The following FRMD4B variants were observed in gnomAD, a reference collection of about 807,000 sequenced individuals.
FRMD4B encodes the protein FERM domain containing 4B, also known as FERM domain-containing protein 4B.
Under a neutral mutation model 141.5 loss-of-function variants are expected in FRMD4B, and 74 were observed. The ratio of observed to expected loss-of-function variants is 0.52; its 90% confidence interval spans 0.43 to 0.63. The LOEUF (loss-of-function observed/expected upper bound fraction) is 0.63. Among genes scored for constraint, FRMD4B ranks in the 30% least tolerant of loss-of-function variants. The pLI is 0.00. For synonymous variants in FRMD4B, 506 were observed against 467.9 expected, an observed-to-expected ratio of 1.08 and a Z score of -1.05; for missense variants, 1,366 against 1,253.4, an observed-to-expected ratio of 1.09 and a Z score of -1.36.
chr3:69,204,115 C>A (rs2092998364), intron 11 of FRMD4B, among the ~76,000 whole-genome samples: 1 of 152,032 alleles, frequency 6.6e-6, no homozygotes, highest in Admixed American at 6.6e-5. Context: ...ACGGCATGCC[C>A]CACAGGTAGA....
intron 2 of FRMD4B, among the ~76,000 whole-genome samples, chr3:69,420,998 C>T (rs1459547519): frequency 2.6e-5 from 4 of 152,210 alleles, no homozygotes; most frequent in African/African-American, 9.6e-5. Flanking sequence ...GCCTCCCTCC[C>T]TCCCACGCCC....
chr3:69,465,164 C>T (rs1705762826), intron 1 of FRMD4B, among the ~76,000 whole-genome samples: 1 of 151,732 alleles, frequency 6.6e-6, no homozygotes, highest in Non-Finnish European at 1.5e-5. Flanking sequence ...ACTAAAAATG[C>T]AAAAAATTAG....
At chr3:69,357,017 T>C (rs536330937) in intron 1 of FRMD4B, among the ~76,000 whole-genome samples, 21 of 152,316 alleles carry the variant, frequency 1.4e-4, no homozygotes, top group South Asian at 6.2e-4. Flanking sequence ...AAAGGATAAT[T>C]GGAATCTGAC....
intron 21 of FRMD4B, among the ~76,000 whole-genome samples, chr3:69,178,679 G>GAA (rs11294141): frequency 1.6e-5 from 2 of 126,988 alleles, no homozygotes; most frequent in East Asian, 2.2e-4. Flanking sequence ...CTTTAAAAAA[G>GAA]AAAAAAAAAA....
intron 1 of FRMD4B, among the ~76,000 whole-genome samples, chr3:69,520,750 C>T (rs1700842245): frequency 6.6e-6 from 1 of 152,064 alleles, no homozygotes; most frequent in African/African-American, 2.4e-5. Flanking sequence ...TGGCCACTTC[C>T]CAATCCTTGC....
intron 1 of FRMD4B, among the ~76,000 whole-genome samples, chr3:69,433,742 G>C (rs549928999): frequency 2.0e-5 from 3 of 152,304 alleles, no homozygotes; most frequent in African/African-American, 7.2e-5. Context: ...TTTCCTACAG[G>C]CAATAATTTT....
At chr3:69,188,753 G>A (rs2092799478) in intron 18 of FRMD4B, among the ~76,000 whole-genome samples, 1 of 92,376 alleles carries the variant, frequency 1.1e-5, no homozygotes, top group Non-Finnish European at 1.8e-5. Flanking sequence ...GACAGAGCGA[G>A]ACTCCGTCTC....
At chr3:69,259,498 A>G (rs149063701) in intron 5 of FRMD4B, among the ~76,000 whole-genome samples, 28 of 151,926 alleles carry the variant, frequency 1.8e-4, no homozygotes, top group African/African-American at 5.6e-4. Flanking sequence ...GCATCCAAAG[A>G]CTCTCTTAAT....
chr3:69,481,971 A>G (rs565478324), intron 1 of FRMD4B, among the ~76,000 whole-genome samples: 1 of 152,336 alleles, frequency 6.6e-6, no homozygotes. Flanking sequence ...TGTGGACTAG[A>G]TCCTTTTTTT....
At chr3:69,540,636 A>AAAAAAAAAATAT (rs1553652109) in intron 1 of FRMD4B, among the ~76,000 whole-genome samples, 1 of 69,538 alleles carries the variant, frequency 1.4e-5, no homozygotes, top group Non-Finnish European at 2.4e-5. Context: ...AAAAAAAAAA[A>AAAAAAAAAATAT]ATATATATAT....
At chr3:69,290,930 C>G (rs964195598) in intron 4 of FRMD4B, among the ~76,000 whole-genome samples, 2 of 152,114 alleles carry the variant, frequency 1.3e-5, no homozygotes, top group East Asian at 1.9e-4. Flanking sequence ...GAAGCTGAAC[C>G]CTTAGTAATT....
chr3:69,473,541 T>G (rs1705931064), intron 1 of FRMD4B, among the ~76,000 whole-genome samples: 2 of 152,256 alleles, frequency 1.3e-5, no homozygotes, highest in South Asian at 4.1e-4. Flanking sequence ...CATCTTGCAT[T>G]TGACCCTAAT....
chr3:69,498,660 A>G (rs926997172), intron 1 of FRMD4B, among the ~76,000 whole-genome samples: 2 of 152,224 alleles, frequency 1.3e-5, no homozygotes, highest in South Asian at 2.1e-4. Context: ...GAACTCTACA[A>G]CATATAACTG....
At chr3:69,515,304 T>C (rs888644253) in intron 1 of FRMD4B, among the ~76,000 whole-genome samples, 10 of 152,140 alleles carry the variant, frequency 6.6e-5, no homozygotes, top group African/African-American at 2.2e-4. Flanking sequence ...ACCTCCTACG[T>C]CGGGGATTAC....
intron 1 of FRMD4B, among the ~76,000 whole-genome samples, chr3:69,358,700 C>A (rs1305948816): frequency 6.6e-6 from 1 of 152,154 alleles, no homozygotes; most frequent in African/African-American, 2.4e-5. Context: ...TCTGCCACTA[C>A]ACTTCAGCCT....
upstream of FRMD4B, among the ~76,000 whole-genome samples, chr3:69,387,033 C>CTTAT (rs1433873070): frequency 4.6e-5 from 7 of 152,048 alleles, no homozygotes; most frequent in African/African-American, 9.7e-5. Context: ...GATAATTAAT[C>CTTAT]TTATTTATTT....
At chr3:69,534,838 G>C (rs1039922057) in intron 1 of FRMD4B, among the ~76,000 whole-genome samples, 2 of 152,106 alleles carry the variant, frequency 1.3e-5, no homozygotes, top group Admixed American at 6.5e-5. Context: ...ACAATAAGTG[G>C]ACATAACATC....
At chr3:69,509,942 C>T (rs1575595752) in intron 1 of FRMD4B, among the ~76,000 whole-genome samples, 1 of 151,190 alleles carries the variant, frequency 6.6e-6, no homozygotes, top group East Asian at 2.0e-4. Context: ...GTTCTGTTTA[C>T]ACTCTACTAT....
At chr3:69,343,156 GTTGTCCAGGCTGGTC>G (rs1702797203) in intron 1 of FRMD4B, among the ~76,000 whole-genome samples, 1 of 152,078 alleles carries the variant, frequency 6.6e-6, no homozygotes, top group African/African-American at 2.4e-5. Flanking sequence ...GTCTTGCTAT[GTTGTCCAGGCTGGTC>G]TTGACCTCCT....
Sources: allele counts gnomAD v4.1 joint callset (sites outside exome capture counted in the v4.1 genomes callset), GRCh38; gene constraint gnomAD v4.1.1; transcripts MANE v1.5; gene names NCBI Gene and HGNC (gene_info 2026-07-23, HGNC 2026-07-21).